The following HMGCLL1 variants were observed in gnomAD, a reference collection of about 807,000 sequenced individuals.
The protein encoded by HMGCLL1 is 3-hydroxymethyl-3-methylglutaryl-CoA lyase, cytoplasmic.
Under a neutral mutation model 39.1 loss-of-function variants are expected in HMGCLL1, and 36 were observed. The ratio of observed to expected loss-of-function variants is 0.92; its 90% CI spans 0.71 to 1.22. The LOEUF (loss-of-function observed/expected upper bound fraction) is 1.22. Among genes scored for constraint, HMGCLL1 ranks in the 50% most tolerant of loss-of-function variants. The pLI, the probability that HMGCLL1 is intolerant of heterozygous loss-of-function variation, is 0.00. For synonymous variants in HMGCLL1, 149 were observed against 144.0 expected (o/e 1.03, Z -0.25); for missense variants, 451 against 416.5 (o/e 1.08, Z -0.72).
chr6:55,641,943 A>G, the HMGCLL1 span, among the ~76,000 whole-genome samples: 1 of 140,816 alleles, frequency 7.1e-6, no homozygotes, highest in Admixed American at 7.3e-5. Context: ...GTTTTAGGGT[A>G]CATGTGCACA....
chr6:55,678,813 G>A, the HMGCLL1 span, among the ~76,000 whole-genome samples: 1 of 152,142 alleles, frequency 6.6e-6, no homozygotes, highest in African/African-American at 2.4e-5. Flanking sequence ...AGAGGTGGAG[G>A]AGTAAGGAGA....
the HMGCLL1 span, among the ~76,000 whole-genome samples, chr6:55,591,556 C>CT: frequency 7.3e-5 from 11 of 150,886 alleles, no homozygotes; most frequent in South Asian, 2.1e-4. Flanking sequence ...TTCCTGTTCA[C>CT]TTTTTTTTTC....
At chr6:55,490,132 ACT>A (rs1264631394) in intron 7 of HMGCLL1, among the ~76,000 whole-genome samples, 4 of 151,884 alleles carry the variant, frequency 2.6e-5, no homozygotes, top group African/African-American at 9.7e-5. Flanking sequence ...GCACTCGAAG[ACT>A]CTGCCTATGA....
At chr6:55,467,621 G>A (rs1256353545) in intron 7 of HMGCLL1, among the ~76,000 whole-genome samples, 3 of 152,094 alleles carry the variant, frequency 2.0e-5, no homozygotes, top group East Asian at 1.9e-4. Flanking sequence ...CTATGGCATC[G>A]AGTAATCATC....
the HMGCLL1 span, among the ~76,000 whole-genome samples, chr6:55,610,870 G>T: frequency 1.3e-5 from 2 of 151,938 alleles, no homozygotes; most frequent in South Asian, 2.1e-4. Context: ...AAGAGAGTGG[G>T]GACCAATATT....
the HMGCLL1 span, among the ~76,000 whole-genome samples, chr6:55,587,391 C>T: frequency 6.6e-6 from 1 of 151,998 alleles, no homozygotes; most frequent in Non-Finnish European, 1.5e-5. Flanking sequence ...ACCACCAGGC[C>T]TGCCTTACAA....
intron 1 of HMGCLL1, among the ~76,000 whole-genome samples, chr6:55,572,094 T>C (rs1243022523): frequency 6.6e-6 from 1 of 151,982 alleles, no homozygotes; most frequent in Non-Finnish European, 1.5e-5. Context: ...CATAAGCACA[T>C]ACAAACATAC....
At chr6:55,640,624 A>G in the HMGCLL1 span, among the ~76,000 whole-genome samples, 4 of 151,916 alleles carry the variant, frequency 2.6e-5, no homozygotes, top group East Asian at 5.8e-4. Context: ...GAGAAAAGAG[A>G]AAGCCCTTCA....
At chr6:55,452,555 A>T (rs952591418) in intron 7 of HMGCLL1, among the ~76,000 whole-genome samples, 4 of 152,176 alleles carry the variant, frequency 2.6e-5, no homozygotes, top group African/African-American at 9.6e-5. Flanking sequence ...AGTGGGTACT[A>T]TTATTATCAT....
the HMGCLL1 span, among the ~76,000 whole-genome samples, chr6:55,628,648 G>A: frequency 6.6e-6 from 1 of 152,028 alleles, no homozygotes; most frequent in Non-Finnish European, 1.5e-5. Flanking sequence ...ATTGGAGCCT[G>A]ATATCATTTG....
chr6:55,555,632 C>T lies in HMGCLL1; in HGVS notation c.109-13492G>A, dbSNP rs116380473. Among the ~76,000 whole-genome samples the T allele has an allele frequency of 5.1e-3, 780 of 152,242 alleles. 9 individuals carry two copies. Among genetic ancestry groups the T allele is most frequent in the African/African-American group, 0.018 (754 of 41,558 alleles). On this transcript the variant is annotated intron_variant, in intron 1 of 8. Coordinates refer to ENST00000274901, the MANE Select transcript of HMGCLL1 (RefSeq NM_001042406.2). ...TTCATCCAATCAGATTTCAAAGAAG[C>T]GATGAACTTTTTGTCAGCCACTTAA...
At chr6:55,589,484 AC>A in the HMGCLL1 span, among the ~76,000 whole-genome samples, 1 of 152,166 alleles carries the variant, frequency 6.6e-6, no homozygotes, top group African/African-American at 2.4e-5. Context: ...CCCTTTGAAA[AC>A]TGGCACAAGA....
At chr6:55,475,147 T>A (rs1057486159) in intron 7 of HMGCLL1, among the ~76,000 whole-genome samples, 8 of 151,620 alleles carry the variant, frequency 5.3e-5, no homozygotes, top group African/African-American at 1.9e-4. Context: ...TGGAGAATGA[T>A]GAATACCCTT....
chr6:55,596,531 G>T, the HMGCLL1 span, among the ~76,000 whole-genome samples: 3 of 151,202 alleles, frequency 2.0e-5, no homozygotes, highest in Non-Finnish European at 2.9e-5. Flanking sequence ...TAATTATGAG[G>T]TTTCATAATA....
At chr6:55,437,044 T>A (rs2127377866) in intron 8 of HMGCLL1, among the ~76,000 whole-genome samples, 1 of 152,160 alleles carries the variant, frequency 6.6e-6, no homozygotes, top group South Asian at 2.1e-4. Flanking sequence ...GACAGAAAGA[T>A]TTTTGTCATT....
intron 1 of HMGCLL1, among the ~76,000 whole-genome samples, chr6:55,552,033 T>C (rs1398686963): frequency 6.6e-6 from 1 of 151,888 alleles, no homozygotes; most frequent in East Asian, 1.9e-4. Flanking sequence ...TAACCAAAGT[T>C]CTAACTATAT....
At chr6:55,490,184 A>T (rs1219780499) in intron 7 of HMGCLL1, among the ~76,000 whole-genome samples, 1 of 152,074 alleles carries the variant, frequency 6.6e-6, no homozygotes, top group African/African-American at 2.4e-5. Context: ...TGTTCTACCT[A>T]TCAGATACGT....
Position 55,477,447 on chromosome 6 carries a change from T to A in HMGCLL1, c.795+17972A>T, listed in dbSNP as rs1445066692. Among the ~76,000 whole-genome samples the A allele has an allele frequency of 5.1e-5, 3 of 59,132 alleles. 1 individual carries two copies. The highest frequency in any genetic ancestry group is 7.5e-5 in the African/African-American group (1 of 13,280). The allele number at this position is 59,132 out of a possible 152,430, so 38.8% of individuals were successfully genotyped here. A position where few individuals can be genotyped will look rare whatever the true frequency, so the allele number is the denominator to read the frequency against. Reference sequence around the variant, plus strand: ...TAATATATATTATATATTATATATATAATATATTACATATAATATATAATA... The same window carrying A: ...TAATATATATTATATATTATATATAAAATATATTACATATAATATATAATA... On this transcript the variant is annotated intron_variant, in intron 7 of 8. Coordinates refer to ENST00000274901, the MANE Select transcript of HMGCLL1 (RefSeq NM_001042406.2).
At chr6:55,543,164 TA>T (rs1561950441) in intron 1 of HMGCLL1, among the ~76,000 whole-genome samples, 137 of 6,246 alleles carry the variant, frequency 0.022, 6 homozygotes, top group South Asian at 0.041. Flanking sequence ...ATATTATATA[TA>T]TAATATATAA....
Sources: allele counts gnomAD v4.1 joint callset (sites outside exome capture counted in the v4.1 genomes callset), GRCh38; gene constraint gnomAD v4.1.1; transcripts MANE v1.5; gene names NCBI Gene and HGNC (gene_info 2026-07-23, HGNC 2026-07-21).